DNAH12: variants seen among roughly 807,000 people sequenced by gnomAD.
The protein encoded by DNAH12 is axonemal beta dynein heavy chain 12.
A neutral mutation model predicts 371.5 loss-of-function variants in DNAH12; 285 were observed. The observed-to-expected ratio is 0.77, with a 90% confidence interval of 0.70 to 0.85. The LOEUF is 0.85. Ranked by LOEUF, DNAH12 falls within the 40% of genes least tolerant of loss-of-function variation. The pLI is 0.00. For synonymous variants in DNAH12, 1,200 were observed against 1,213.0 expected (o/e 0.99, Z 0.22); for missense variants, 3,611 against 3,689.4 (o/e 0.98, Z 0.55).
At chr3:57,322,518 T>C (rs910962386) in intron 64 of DNAH12, 35 bp from the exon 65 acceptor site, 6 of 1,536,566 alleles carry the variant, frequency 3.9e-6, no homozygotes, top group Non-Finnish European at 5.3e-6. Context: ...TTATACAAGA[T>C]AGCAAGTGGA....
intron 29 of DNAH12, among the ~76,000 whole-genome samples, chr3:57,438,636 C>T (rs774056819): frequency 1.3e-5 from 2 of 151,978 alleles, no homozygotes; most frequent in Non-Finnish European, 2.9e-5. Flanking sequence ...ACACCAATAA[C>T]ATTCAAGCTG....
intron 12 of DNAH12, among the ~76,000 whole-genome samples, chr3:57,486,263 A>G (rs980871408): frequency 1.3e-5 from 2 of 152,012 alleles, no homozygotes; most frequent in Non-Finnish European, 2.9e-5. Flanking sequence ...ATTAAAATTA[A>G]TTTTTTCTTT....
chr3:57,461,364 G>C, intron 19 of DNAH12, 125 bp downstream of exon 19: 1 of 741,600 alleles, frequency 1.3e-6, no homozygotes, highest in Non-Finnish European at 2.1e-6. Flanking sequence ...CAAAGTTATA[G>C]GTCTATGATT....
At position 57,468,842 on chromosome 3, in the gene DNAH12, G is replaced by A. The variant is rs2066279685; in HGVS notation, c.2243C>T (p.Ala748Val). The change falls in exon 17 of 74, where the codon GCA (alanine) becomes GTA (valine). Residue 748 changes from alanine (A) to valine (V), a missense_variant. By Grantham distance (64) the Ala-to-Val change is moderately conservative (BLOSUM62 0). Transcript: ENST00000495027. ...LKKELQEKRKAARKRSLEEEK... is the reference protein window; with the variant it reads ...LKKELQEKRKVARKRSLEEEK... ...TTCTTCCAAAGACCGTTTTCTTGCT[G>A]CCTTTCTTTTTTCTTGTAATTCTTT... is the stretch of plus-strand genomic sequence containing the variant. 1 of 1,525,190 alleles carries A rather than the reference G, an allele frequency of 6.6e-7. No homozygotes were observed. Among genetic ancestry groups the A allele is most frequent in the East Asian group, 2.5e-5 (1 of 40,760 alleles). The allele number at this position is 1,525,190 out of a possible 1,614,324, so 94.5% of individuals were successfully genotyped here. A position where few individuals can be genotyped will look rare whatever the true frequency, so the allele number is the denominator to read the frequency against.
At chr3:57,317,629 G>T (rs1478374035) in intron 65 of DNAH12, among the ~76,000 whole-genome samples, 1 of 152,108 alleles carries the variant, frequency 6.6e-6, no homozygotes. Context: ...GAATGGTGCT[G>T]CAATGAACAC....
intron 40 of DNAH12, among the ~76,000 whole-genome samples, chr3:57,407,250 C>T (rs2064064100): frequency 6.9e-6 from 1 of 145,414 alleles, no homozygotes; most frequent in African/African-American, 2.6e-5. Context: ...CCAACCTCCA[C>T]ACATGGTAGG....
chr3:57,555,853 G>T, the DNAH12 span, among the ~76,000 whole-genome samples: 1 of 152,366 alleles, frequency 6.6e-6, no homozygotes, highest in Admixed American at 6.5e-5. Context: ...GAGCGATCAG[G>T]GTCGGCAAAG....
At chr3:57,502,652 C>A (rs765736786) in intron 9 of DNAH12, among the ~76,000 whole-genome samples, 173 bp from the exon 10 acceptor site, 1 of 152,036 alleles carries the variant, frequency 6.6e-6, no homozygotes, top group Non-Finnish European at 1.5e-5. Context: ...CAGGTTCAAG[C>A]GATTCTCCTG....
chr3:57,309,032 T>C (rs537899663), intron 69 of DNAH12, 119 bp downstream of exon 69: 23 of 641,196 alleles, frequency 3.6e-5, no homozygotes, highest in South Asian at 2.6e-4. Flanking sequence ...ACATCGCCCA[T>C]TCTCTCTTCA....
chr3:57,482,911 G>A (rs555246921), intron 13 of DNAH12, among the ~76,000 whole-genome samples: 1 of 129,730 alleles, frequency 7.7e-6, no homozygotes, highest in Non-Finnish European at 1.6e-5. Context: ...ATCACACACC[G>A]GGGACTGTTG....
chr3:57,405,972 C>T lies in DNAH12; in HGVS notation c.6277-20G>A. ...ATATATCTGAATATGAAAAAAGCAACAAAGCAAAAATAAAATGCTTATAAT... is the reference window on the plus strand; with the variant it reads ...ATATATCTGAATATGAAAAAAGCAATAAAGCAAAAATAAAATGCTTATAAT... On this transcript the variant is annotated intron_variant, in intron 40 of 73. Coordinates refer to ENST00000495027, the MANE Select transcript of DNAH12 (RefSeq NM_001366028.2). 2 of 1,525,880 alleles carry T rather than the reference C, an allele frequency of 1.3e-6. No homozygotes were observed. The highest frequency in any genetic ancestry group is 2.5e-5 in the East Asian group (1 of 40,476). The allele number at this position is 1,525,880 out of a possible 1,614,324, so 94.5% of individuals were successfully genotyped here.
At chr3:57,315,374 G>A (rs535586748) in intron 65 of DNAH12, among the ~76,000 whole-genome samples, 9 of 150,674 alleles carry the variant, frequency 6.0e-5, no homozygotes, top group East Asian at 3.9e-4. Context: ...GAGTAGATAC[G>A]TTTTTGAAAT....
At chr3:57,472,715 ACAT>A in intron 13 of DNAH12, 44 bp from the exon 14 acceptor site, 2 of 1,519,158 alleles carry the variant, frequency 1.3e-6, no homozygotes, top group Non-Finnish European at 1.8e-6. Flanking sequence ...TAGAAAATCT[ACAT>A]CATTATGAAA....
chr3:57,320,268 T>C (rs1258540529), intron 65 of DNAH12, among the ~76,000 whole-genome samples: 1 of 152,216 alleles, frequency 6.6e-6, no homozygotes, highest in Non-Finnish European at 1.5e-5. Context: ...TTATATATGT[T>C]CATTGCCATA....
chr3:57,403,112 C>G (rs551857581), intron 43 of DNAH12, among the ~76,000 whole-genome samples, 197 bp downstream of exon 43: 1 of 152,068 alleles, frequency 6.6e-6, no homozygotes, highest in Non-Finnish European at 1.5e-5. Context: ...AGAATGAGAT[C>G]ATGTAGGTAA....
intron 2 of DNAH12, among the ~76,000 whole-genome samples, chr3:57,528,200 G>T (rs541355249): frequency 6.6e-6 from 1 of 151,506 alleles, no homozygotes; most frequent in Non-Finnish European, 1.5e-5. Context: ...GGTTAATTTT[G>T]TATTTTTAGT....
chr3:57,464,687 T>C (rs113668138), intron 17 of DNAH12, among the ~76,000 whole-genome samples: 44 of 152,300 alleles, frequency 2.9e-4, no homozygotes, highest in African/African-American at 9.1e-4. Flanking sequence ...GACAGGGATA[T>C]GTGAGCTCTC....
In DNAH12 at chr3:57,494,425, G is replaced by A. The variant is rs147577521; in HGVS notation, c.1336-4738C>T. ...AAAAAATAAAAATTTAGCCAGGCATGGTGGCCTGTGCCTGTAGTCCCAGGT... is the reference window on the plus strand; with the variant it reads ...AAAAAATAAAAATTTAGCCAGGCATAGTGGCCTGTGCCTGTAGTCCCAGGT... On this transcript the variant is annotated intron_variant, in intron 11 of 73. Transcript: ENST00000495027. Among the ~76,000 whole-genome samples the A allele has an allele frequency of 3.9e-5, 6 of 152,114 alleles. No individual in the cohort carries two copies. In the East Asian group the frequency reaches 9.7e-4, roughly 25 times the overall value.
In DNAH12 at chr3:57,332,856, C is replaced by T. The variant is rs1034781242; in HGVS notation, c.9978+1609G>A. 4.6e-5 allele frequency among the ~76,000 whole-genome samples: 7 copies of T among 152,106 alleles called. No individual in the cohort carries two copies. In the South Asian group the frequency reaches 6.2e-4, roughly 14 times the overall value. ...AAAGCCATAGAGAGTCCTTAGTGAT[C>T]GCTTGGAGCATTCAGTAAAGGCCCC... is the stretch of plus-strand genomic sequence containing the variant. On this transcript the variant is annotated intron_variant, in intron 62 of 73. Coordinates refer to ENST00000495027, the MANE Select transcript of DNAH12 (RefSeq NM_001366028.2).
Sources: allele counts gnomAD v4.1 joint callset (sites outside exome capture counted in the v4.1 genomes callset), GRCh38; gene constraint gnomAD v4.1.1; transcripts MANE v1.5; gene names NCBI Gene and HGNC (gene_info 2026-07-23, HGNC 2026-07-21).